Variants in ARHGAP42 observed in about 807,000 individuals in gnomAD.
ARHGAP42 encodes Rho GTPase activating protein 42.
In ARHGAP42, 63 loss-of-function variants were observed where a neutral mutation model predicts 125.0. That is an observed-to-expected ratio of 0.50 (90% CI 0.41 to 0.62). ARHGAP42 has a LOEUF of 0.62. ARHGAP42 is among the 20% of genes least tolerant of loss of function. The pLI is 0.00. For synonymous variants in ARHGAP42, 339 were observed against 351.0 expected (o/e 0.97, Z 0.38); for missense variants, 766 against 1,024.2 (o/e 0.75, Z 3.44).
chr11:100,735,602 C>CTTTTTTTTTTTTTTTTTTTTTTTTTT (rs58522622), intron 1 of ARHGAP42, among the ~76,000 whole-genome samples: 1 of 73,048 alleles, frequency 1.4e-5, no homozygotes, highest in Non-Finnish European at 2.4e-5. Context: ...TTTACTTGTA[C>CTTTTTTTTTTTTTTTTTTTTTTTTTT]TTTTTTTTTT....
intron 4 of ARHGAP42, among the ~76,000 whole-genome samples, chr11:100,908,605 A>G (rs1389632716): frequency 6.6e-6 from 1 of 152,178 alleles, no homozygotes; most frequent in Non-Finnish European, 1.5e-5. Context: ...TAAGTATTCC[A>G]TGGTGTATAT....
intron 3 of ARHGAP42, among the ~76,000 whole-genome samples, chr11:100,844,305 G>A (rs1161208358): frequency 6.6e-6 from 1 of 152,116 alleles, no homozygotes; most frequent in Non-Finnish European, 1.5e-5. Flanking sequence ...AACTCAAGAT[G>A]TATCTAGGAC....
At position 100,976,846 on chromosome 11, in the gene ARHGAP42, C is replaced by T; in HGVS notation, c.2268C>T (p.Ser756=). Reference sequence around the variant, plus strand: ...AGAGCTACAGTGGATCTATTCAAAGCTTAACTTCTGTAGGTTCCAAGGAGA... The same window carrying T: ...AGAGCTACAGTGGATCTATTCAAAGTTTAACTTCTGTAGGTTCCAAGGAGA... ...GNKSYSGSIQ[S]LTSVGSKETP... Residue 756 remains serine, a synonymous_variant, in exon 21 of 24, where the codon AGC becomes AGT. Coordinates refer to ENST00000298815, the MANE Select transcript of ARHGAP42 (RefSeq NM_152432.4). 6.4e-7 allele frequency: 1 copy of T among 1,551,106 alleles called. No individual in the cohort carries two copies. The highest frequency in any genetic ancestry group is 8.7e-7 in the Non-Finnish European group (1 of 1,146,828).
chr11:100,763,940 G>A (rs1275997831), intron 1 of ARHGAP42, among the ~76,000 whole-genome samples: 2 of 151,446 alleles, frequency 1.3e-5, no homozygotes, highest in African/African-American at 4.9e-5. Flanking sequence ...TAAAGGATTC[G>A]TTAAATGTTG....
In ARHGAP42 at chr11:100,949,693, C is replaced by T. The variant is rs142255033; in HGVS notation, c.1123-224C>T. Among the ~76,000 whole-genome samples the T allele has an allele frequency of 1.3e-4, 20 of 152,160 alleles. No homozygotes were observed. The East Asian group carries it at 2.1e-3, about 16-fold the overall frequency. On this transcript the variant is annotated intron_variant, in intron 11 of 23. Transcript: ENST00000298815. ...AATGAGATGGAGGTAGAACCTTGTC[C>T]AGGGCAGCACAGCCACGGATGGAAA...
intron 1 of ARHGAP42, among the ~76,000 whole-genome samples, chr11:100,767,240 T>C (rs1000392265): frequency 3.3e-5 from 5 of 152,226 alleles, no homozygotes; most frequent in African/African-American, 1.2e-4. Context: ...TCTTTATCTA[T>C]ATTAACTCAT....
chr11:100,868,874 A>T (rs1451058129), intron 4 of ARHGAP42, among the ~76,000 whole-genome samples: 2 of 152,136 alleles, frequency 1.3e-5, no homozygotes, highest in Non-Finnish European at 2.9e-5. Context: ...CATTTCACAT[A>T]ATTTGTTTAG....
chr11:100,901,323 C>A (rs1027167713), intron 4 of ARHGAP42, among the ~76,000 whole-genome samples: 4 of 152,206 alleles, frequency 2.6e-5, no homozygotes, highest in African/African-American at 7.2e-5. Context: ...AGGTGACTGT[C>A]AGCCCCTCCT....
At chr11:100,887,850 C>T (rs1866128576) in intron 4 of ARHGAP42, among the ~76,000 whole-genome samples, 2 of 152,162 alleles carry the variant, frequency 1.3e-5, no homozygotes, top group African/African-American at 4.8e-5. Flanking sequence ...AAAGGCCCAG[C>T]CATTTAAGCT....
chr11:100,843,055 G>A (rs963192564), intron 3 of ARHGAP42, among the ~76,000 whole-genome samples: 8 of 151,854 alleles, frequency 5.3e-5, no homozygotes, highest in African/African-American at 1.9e-4. Context: ...TAAATAAAAT[G>A]GATAGACCAT....
At chr11:100,942,535 GAATT>G (rs1758446450) in intron 9 of ARHGAP42, among the ~76,000 whole-genome samples, 1 of 152,104 alleles carries the variant, frequency 6.6e-6, no homozygotes, top group Non-Finnish European at 1.5e-5. Context: ...TTGAACTTTT[GAATT>G]AATTAGGTCA....
intron 12 of ARHGAP42, among the ~76,000 whole-genome samples, chr11:100,956,729 A>G (rs571819693): frequency 1.3e-5 from 2 of 152,264 alleles, no homozygotes; most frequent in Non-Finnish European, 2.9e-5. Context: ...GCACATAGGG[A>G]CATTTCTTAA....
chr11:100,815,303 A>G (rs554204110), intron 3 of ARHGAP42, among the ~76,000 whole-genome samples: 58 of 152,156 alleles, frequency 3.8e-4, no homozygotes, highest in Non-Finnish European at 6.6e-4. Context: ...TGCGTGTATC[A>G]TAATTTACCC....
intron 1 of ARHGAP42, among the ~76,000 whole-genome samples, chr11:100,724,441 T>C (rs1028572081): frequency 6.6e-6 from 1 of 152,156 alleles, no homozygotes; most frequent in Non-Finnish European, 1.5e-5. Context: ...TGAGACTGTA[T>C]GCACCTAGTG....
intron 17 of ARHGAP42, among the ~76,000 whole-genome samples, chr11:100,971,165 C>T (rs545422020): frequency 4.6e-5 from 7 of 152,186 alleles, no homozygotes; most frequent in Non-Finnish European, 8.8e-5. Flanking sequence ...TTTGCTTGAA[C>T]AAATATTTCT....
chr11:100,766,222 G>GGTGTGTGTGTGTGTGT (rs145892062), intron 1 of ARHGAP42, among the ~76,000 whole-genome samples: 1 of 149,186 alleles, frequency 6.7e-6, no homozygotes, highest in Non-Finnish European at 1.5e-5. Flanking sequence ...AAGGATGTGG[G>GGTGTGTGTGTGTGTGT]GTGTGTGTGT....
chr11:100,805,207 G>A (rs74694325), intron 3 of ARHGAP42, among the ~76,000 whole-genome samples: 3,672 of 152,208 alleles, frequency 0.024, 73 homozygotes, highest in Non-Finnish European at 0.037. Flanking sequence ...ACGTGGTACC[G>A]CAAGGGTTTG....
At chr11:100,766,292 A>G (rs1414418972) in intron 1 of ARHGAP42, among the ~76,000 whole-genome samples, 1 of 151,960 alleles carries the variant, frequency 6.6e-6, no homozygotes, top group Non-Finnish European at 1.5e-5. Flanking sequence ...TTGCTCACCA[A>G]TAAGTGAATA....
chr11:100,803,760 A>G (rs935835168), intron 3 of ARHGAP42, among the ~76,000 whole-genome samples: 5 of 152,168 alleles, frequency 3.3e-5, no homozygotes, highest in Admixed American at 6.5e-5. Flanking sequence ...TTGACAAATG[A>G]TTTCTTATGT....
Sources: allele counts gnomAD v4.1 joint callset (sites outside exome capture counted in the v4.1 genomes callset), GRCh38; gene constraint gnomAD v4.1.1; transcripts MANE v1.5; gene names NCBI Gene and HGNC (gene_info 2026-07-23, HGNC 2026-07-21).